Variants in ITGA2 observed in about 807,000 individuals in gnomAD.
ITGA2 encodes the protein integrin alpha-2.
A neutral mutation model predicts 146.3 loss-of-function variants in ITGA2; 101 were observed. The observed-to-expected ratio is 0.69, with a 90% CI of 0.59 to 0.81. ITGA2 has a LOEUF of 0.81. Ranked by LOEUF, ITGA2 falls within the 40% of genes least tolerant of loss-of-function variation. ITGA2 has a pLI of 0.00. For synonymous variants in ITGA2, 477 were observed against 487.1 expected, an observed-to-expected ratio of 0.98 and a Z score of 0.27; for missense variants, 1,281 against 1,402.7, an observed-to-expected ratio of 0.91 and a Z score of 1.39.
chr5:53,077,826 C>T (rs1015982240), intron 23 of ITGA2, among the ~76,000 whole-genome samples: 1 of 151,988 alleles, frequency 6.6e-6, no homozygotes, highest in Non-Finnish European at 1.5e-5. Context: ...AATTCTACTT[C>T]AGAAAATATC....
At chr5:53,054,147 TG>T (rs1445418914) in intron 7 of ITGA2, among the ~76,000 whole-genome samples, 1 of 152,198 alleles carries the variant, frequency 6.6e-6, no homozygotes, top group Non-Finnish European at 1.5e-5. Flanking sequence ...GAAACTCATA[TG>T]TTTAAGATTC....
chr5:53,074,378 T>C lies in ITGA2; in HGVS notation c.2572-7T>C, dbSNP rs375862598. On this transcript the variant is annotated splice_region_variant and splice_polypyrimidine_tract_variant and intron_variant, in intron 20 of 29. Coordinates refer to ENST00000296585, the MANE Select transcript of ITGA2 (RefSeq NM_002203.4). ...TTGATCATTGTTGTTTCCTTGGTCT[T>C]GTTCAGGTTGATGGGACAGAAGTAA... 53 of 1,611,084 alleles carry C rather than the reference T, an allele frequency of 3.3e-5. No individual in the cohort carries two copies. In the African/African-American group the frequency reaches 6.4e-4, roughly 20 times the overall value.
chr5:53,011,640 A>C (rs748535490), intron 1 of ITGA2, among the ~76,000 whole-genome samples: 4 of 152,154 alleles, frequency 2.6e-5, no homozygotes, highest in Non-Finnish European at 5.9e-5. Flanking sequence ...ATAAGTATAA[A>C]ATATTTTCCC....
intron 1 of ITGA2, among the ~76,000 whole-genome samples, chr5:53,011,300 C>T (rs1171620117): frequency 2.0e-5 from 3 of 152,140 alleles, no homozygotes; most frequent in African/African-American, 7.2e-5. Flanking sequence ...GAATTTTCTT[C>T]CTTAACTTTC....
chr5:53,004,919 T>G (rs1741760032), intron 1 of ITGA2, among the ~76,000 whole-genome samples: 1 of 107,764 alleles, frequency 9.3e-6, no homozygotes, highest in South Asian at 3.2e-4. Context: ...TTTTTTTTTT[T>G]TTTTTTTTTT....
In ITGA2 at chr5:53,065,130, G is replaced by C. The variant is rs1277277499; in HGVS notation, c.1806+15G>C. On this transcript the variant is annotated intron_variant, in intron 14 of 29. Coordinates refer to ENST00000296585, the MANE Select transcript of ITGA2 (RefSeq NM_002203.4). ...AGTATTCCCAGGTAATCCATGAGCT[G>C]TTATGGTGATGTATGTATTTGTGGG... 1.9e-6 allele frequency: 3 copies of C among 1,609,302 alleles called. No individual in the cohort carries two copies. In the East Asian group the frequency reaches 6.7e-5, roughly 36 times the overall value.
At chr5:53,019,065 A>AAAAT (rs3212415) in intron 1 of ITGA2, among the ~76,000 whole-genome samples, 18,725 of 151,162 alleles carry the variant, frequency 0.12, 1,581 homozygotes, top group African/African-American at 0.23. Context: ...CTCCAGTCTC[A>AAAAT]AAATAAATAA....
chr5:53,042,150 A>G lies in ITGA2; in HGVS notation c.224A>G (p.Asn75Ser), dbSNP rs775184589. 1.2e-6 allele frequency: 2 copies of G among 1,613,492 alleles called. No homozygotes were observed. The highest frequency in any genetic ancestry group is 1.7e-5 in the Admixed American group (1 of 60,016). Reference sequence around the variant, plus strand: ...TCACCCTGGAGTGGCTTTCCTGAGAACCGAATGGGAGATGTGTATAAATGT... The same window carrying G: ...TCACCCTGGAGTGGCTTTCCTGAGAGCCGAATGGGAGATGTGTATAAATGT... ...VGSPWSGFPE[N>S]RMGDVYKCPV... Residue 75 changes from asparagine (N) to serine (S), a missense_variant, in exon 3 of 30, where the codon AAC (asparagine) becomes AGC (serine). By Grantham distance (46) the Asn-to-Ser change is conservative. This residue lies in a region of ITGA2 where 795 missense variants were observed against 841.7 expected (regional missense o/e 0.94). Transcript: ENST00000296585.
Position 53,090,702 on chromosome 5 carries a change from C to T in ITGA2, c.*103C>T, listed in dbSNP as rs1187533132. On this transcript the variant is annotated 3_prime_UTR_variant, in exon 30 of 30. Coordinates refer to ENST00000296585, the MANE Select transcript of ITGA2 (RefSeq NM_002203.4). The stretch of plus-strand genomic sequence containing the variant: ...AAATCCCATATTTTTTTTATCATGT[C>T]GTAGGTAAACTAACCTGGTATTTTA... 3.0e-5 allele frequency: 26 copies of T among 859,890 alleles called. No homozygotes were observed. In the East Asian group the frequency reaches 6.2e-4, roughly 20 times the overall value. 53.3% of individuals were successfully genotyped at this position (859,890 alleles called of 1,614,324 possible).
At chr5:53,026,454 A>G (rs1304843793) in intron 1 of ITGA2, among the ~76,000 whole-genome samples, 1 of 152,172 alleles carries the variant, frequency 6.6e-6, no homozygotes. Flanking sequence ...TGTGAGATAT[A>G]CTTGTCCCCT....
intron 1 of ITGA2, among the ~76,000 whole-genome samples, chr5:52,997,723 T>C (rs1490666110): frequency 6.6e-6 from 1 of 152,174 alleles, no homozygotes; most frequent in Non-Finnish European, 1.5e-5. Context: ...CTATTCCAAA[T>C]TGTTTACCAG....
At chr5:53,019,453 C>T (rs1742560647) in intron 1 of ITGA2, among the ~76,000 whole-genome samples, 1 of 152,120 alleles carries the variant, frequency 6.6e-6, no homozygotes, top group African/African-American at 2.4e-5. Flanking sequence ...AGGCCCCTGC[C>T]CATTAGTCAT....
At chr5:53,069,062 AT>A (rs1241564379) in intron 16 of ITGA2, among the ~76,000 whole-genome samples, 2 of 151,836 alleles carry the variant, frequency 1.3e-5, no homozygotes, top group Admixed American at 6.6e-5. Flanking sequence ...TATATGATAG[AT>A]TTTTTTCAAG....
chr5:53,022,018 A>G (rs565782141), intron 1 of ITGA2, among the ~76,000 whole-genome samples: 8 of 152,280 alleles, frequency 5.3e-5, no homozygotes, highest in East Asian at 1.9e-4. Context: ...ATTGACCACA[A>G]AAGTTAGACC....
chr5:52,995,197 T>G (rs902730072), intron 1 of ITGA2, among the ~76,000 whole-genome samples: 2 of 152,184 alleles, frequency 1.3e-5, no homozygotes, highest in Admixed American at 6.5e-5. Context: ...TGAAGGGCCT[T>G]GTAAGTCATG....
intron 7 of ITGA2, among the ~76,000 whole-genome samples, chr5:53,055,214 C>A (rs1277432624): frequency 1.3e-5 from 2 of 151,944 alleles, no homozygotes; most frequent in East Asian, 1.9e-4. Context: ...ACAGAAATAT[C>A]TTTGCTTTAT....
At chr5:53,072,104 C>T in intron 18 of ITGA2, 56 bp downstream of exon 18, 1 of 1,202,146 alleles carries the variant, frequency 8.3e-7, no homozygotes, top group Non-Finnish European at 1.2e-6. Flanking sequence ...TCCACAGTCA[C>T]TGCAATAGTG....
intron 1 of ITGA2, among the ~76,000 whole-genome samples, chr5:53,018,388 G>A (rs1202924919): frequency 6.6e-6 from 1 of 152,102 alleles, no homozygotes; most frequent in Non-Finnish European, 1.5e-5. Flanking sequence ...GGAGGTCCAT[G>A]GCAGGAGCAG....
chr5:53,042,067 A>G, intron 2 of ITGA2, 45 bp from the exon 3 acceptor site: 1 of 1,118,552 alleles, frequency 8.9e-7, no homozygotes, highest in Middle Eastern at 1.9e-4. Flanking sequence ...TCTTTAAGAA[A>G]CTATACTTAA....
Sources: allele counts gnomAD v4.1 joint callset (sites outside exome capture counted in the v4.1 genomes callset), GRCh38; gene constraint gnomAD v4.1.1; regional missense constraint gnomAD v4.1.1; transcripts MANE v1.5; gene names NCBI Gene and HGNC (gene_info 2026-07-23, HGNC 2026-07-21).